LRGUK: variants seen among roughly 807,000 people sequenced by gnomAD.
LRGUK encodes leucine rich repeats and guanylate kinase domain containing, also known as leucine-rich repeat and guanylate kinase domain-containing protein.
LRGUK carries 65 observed loss-of-function variants against 76.0 expected under a neutral mutation model. The ratio of observed to expected loss-of-function variants is 0.85; its 90% confidence interval spans 0.70 to 1.05. The LOEUF is 1.05. Among genes scored for constraint, LRGUK ranks in the 50% least tolerant of loss-of-function variants. The probability of loss-of-function intolerance (pLI) is 0.00; values close to 1 mark genes in which losing one functional copy is unlikely to be tolerated. For missense variants in LRGUK, 758 were observed against 732.8 expected (o/e 1.03, Z -0.40); for synonymous variants, 268 against 265.6 (o/e 1.01, Z -0.09).
chr7:134,262,353 G>A (rs1802750163), intron 19 of LRGUK, among the ~76,000 whole-genome samples: 1 of 152,210 alleles, frequency 6.6e-6, no homozygotes, highest in South Asian at 2.1e-4. Context: ...CAGGCTGGGT[G>A]CCAAAGCGAG....
intron 13 of LRGUK, 25 bp from the exon 14 acceptor site, chr7:134,199,195 T>A (rs762069175): frequency 6.3e-7 from 1 of 1,598,652 alleles, no homozygotes; most frequent in South Asian, 1.1e-5. Flanking sequence ...TGTTTCCAAT[T>A]TATTATCTTC....
chr7:134,258,581 C>G (rs574112338), intron 19 of LRGUK, among the ~76,000 whole-genome samples, 176 bp downstream of exon 19: 1 of 151,746 alleles, frequency 6.6e-6, no homozygotes, highest in Non-Finnish European at 1.5e-5. Context: ...CACCTGTAGT[C>G]CCAGCTACTC....
chr7:134,174,107 CAAAAA>C (rs112357506), intron 7 of LRGUK, among the ~76,000 whole-genome samples: 1 of 80,692 alleles, frequency 1.2e-5, no homozygotes, highest in Non-Finnish European at 2.8e-5. Context: ...GACTCCATCG[CAAAAA>C]AAAAAAAAAA....
At chr7:134,261,243 A>G (rs1032506845) in intron 19 of LRGUK, among the ~76,000 whole-genome samples, 1 of 151,950 alleles carries the variant, frequency 6.6e-6, no homozygotes, top group Middle Eastern at 3.2e-3. Flanking sequence ...GTCTTTTTTT[A>G]CATGAACTGT....
intron 10 of LRGUK, 124 bp from the exon 11 acceptor site, chr7:134,183,607 ATTC>A: frequency 1.1e-6 from 1 of 882,846 alleles, no homozygotes; most frequent in Non-Finnish European, 1.7e-6. Flanking sequence ...AAGGACAACT[ATTC>A]TTCTACGCAG....
chr7:134,191,243 T>G (rs1424855087), intron 11 of LRGUK, among the ~76,000 whole-genome samples: 1 of 152,142 alleles, frequency 6.6e-6, no homozygotes, highest in Admixed American at 6.5e-5. Context: ...ACATTTAAAC[T>G]GAGTTCTGAG....
At chr7:134,212,043 G>T (rs1359399509), downstream of LRGUK, among the ~76,000 whole-genome samples, 1 of 152,156 alleles carries the variant, frequency 6.6e-6, no homozygotes, top group Non-Finnish European at 1.5e-5. Flanking sequence ...TCTGCACATG[G>T]TGGGAAACAT....
At chr7:134,203,535 A>G (rs1800876434) in intron 15 of LRGUK, among the ~76,000 whole-genome samples, 1 of 152,214 alleles carries the variant, frequency 6.6e-6, no homozygotes, top group Non-Finnish European at 1.5e-5. Context: ...AATGAGGTCA[A>G]CGTGAAACTG....
the LRGUK span, among the ~76,000 whole-genome samples, chr7:134,276,132 A>C: frequency 6.6e-6 from 1 of 152,230 alleles, no homozygotes; most frequent in Non-Finnish European, 1.5e-5. Context: ...GCACTGTATG[A>C]AGGTATGGAC....
chr7:134,210,429 C>A (rs1801208407), downstream of LRGUK, among the ~76,000 whole-genome samples: 1 of 152,182 alleles, frequency 6.6e-6, no homozygotes, highest in Admixed American at 6.5e-5. Flanking sequence ...AACCTCCCCA[C>A]AAATGACCTG....
At chr7:134,249,681 G>C (rs1268945692) in intron 18 of LRGUK, among the ~76,000 whole-genome samples, 1 of 152,158 alleles carries the variant, frequency 6.6e-6, no homozygotes, top group Non-Finnish European at 1.5e-5. Context: ...CAGGGTCTCA[G>C]TGTTTAATAT....
chr7:134,247,642 A>G (rs757273577), exon 17 of LRGUK: 3 of 1,610,882 alleles, frequency 1.9e-6, no homozygotes, highest in Non-Finnish European at 2.5e-6. Context: ...TCCTATTTCA[A>G]AGGTAGCAAT....
At chr7:134,275,033 T>C in the LRGUK span, among the ~76,000 whole-genome samples, 14 of 152,282 alleles carry the variant, frequency 9.2e-5, no homozygotes, top group South Asian at 2.1e-4. Context: ...TATTGGTTTA[T>C]GCTTTTTGCT....
chr7:134,138,264 C>A (rs144835692), intron 2 of LRGUK, among the ~76,000 whole-genome samples: 4 of 152,186 alleles, frequency 2.6e-5, no homozygotes, highest in Non-Finnish European at 4.4e-5. Context: ...TCCTTTAAAT[C>A]TTATTTCAGC....
intron 16 of LRGUK, among the ~76,000 whole-genome samples, chr7:134,233,982 A>AT (rs913741294): frequency 3.3e-5 from 5 of 152,048 alleles, no homozygotes; most frequent in African/African-American, 4.8e-5. Context: ...TTTGCAATGT[A>AT]TTTTTTTAGC....
chr7:134,201,820 GTGCCT>G (rs1304316520), intron 15 of LRGUK, among the ~76,000 whole-genome samples: 12 of 152,296 alleles, frequency 7.9e-5, no homozygotes, highest in Non-Finnish European at 1.8e-4. Flanking sequence ...AGGCTAGGCA[GTGCCT>G]TGGCGGAGGT....
At chr7:134,179,976 C>T (rs944259021) in intron 10 of LRGUK, among the ~76,000 whole-genome samples, 5 of 152,216 alleles carry the variant, frequency 3.3e-5, no homozygotes, top group Non-Finnish European at 5.9e-5. Flanking sequence ...TGGGGAATCA[C>T]TGTCCCCTCT....
exon 10 of LRGUK, chr7:134,178,546 C>T (rs985991647): frequency 5.0e-6 from 8 of 1,613,204 alleles, no homozygotes; most frequent in Non-Finnish European, 6.8e-6. Flanking sequence ...GAAGTGGTTG[C>T]AGCTCAAGAC....
chr7:134,249,039 T>A lies in LRGUK; in HGVS notation c.2161T>A (p.Tyr721Asn), dbSNP rs766483859. 4 of 1,597,280 alleles carry A rather than the reference T, an allele frequency of 2.5e-6. No homozygotes were observed. The South Asian group carries it at 4.6e-5, about 18-fold the overall frequency. The stretch of plus-strand genomic sequence containing the variant: ...GAAAAGTTTTGATCTTTGTGAAGAC[T>A]ATTTTAAACCTCCATTTGGACCATA... Residue 721 changes from tyrosine to asparagine, a missense_variant, in exon 18 of 20, where the codon TAT becomes AAT. Physicochemically the swap from Tyr to Asn is moderately radical, Grantham distance 143. Coordinates refer to the LRGUK transcript ENST00000285928.
Sources: allele counts gnomAD v4.1 joint callset (sites outside exome capture counted in the v4.1 genomes callset), GRCh38; gene constraint gnomAD v4.1.1; transcripts MANE v1.5; gene names NCBI Gene and HGNC (gene_info 2026-07-23, HGNC 2026-07-21).